Variants in MAP3K1 observed in about 807,000 individuals in gnomAD.
MAP3K1 encodes the protein MAP/ERK kinase kinase 1.
MAP3K1 carries 36 observed loss-of-function variants against 144.2 expected under a neutral mutation model. The observed-to-expected ratio is 0.25, with a 90% CI of 0.19 to 0.33. The LOEUF (loss-of-function observed/expected upper bound fraction) is 0.33. Among genes scored for constraint, MAP3K1 ranks in the 10% least tolerant of loss-of-function variants. MAP3K1 has a pLI of 1.00. For missense variants in MAP3K1, 1,650 were observed against 1,881.9 expected (o/e 0.88, Z 2.28); for synonymous variants, 718 against 688.7 (o/e 1.04, Z -0.67).
chr5:56,864,183 A>C (rs1747603943), intron 3 of MAP3K1, among the ~76,000 whole-genome samples: 1 of 152,204 alleles, frequency 6.6e-6, no homozygotes, highest in Non-Finnish European at 1.5e-5. Context: ...TTATAAAATT[A>C]CCACATGGTT....
chr5:56,830,110 G>A lies in MAP3K1; in HGVS notation c.482+14055G>A, dbSNP rs1005624059. 3.3e-5 allele frequency among the ~76,000 whole-genome samples: 5 copies of A among 152,266 alleles called. No individual in the cohort carries two copies. In the East Asian group the frequency reaches 7.7e-4, roughly 23 times the overall value. ...AGATACAAAACCGTTGGTGTCTGAA[G>A]TACCTCTGAATCCAGCAGCCTTCTA... On this transcript the variant is annotated intron_variant, in intron 1 of 19. Coordinates refer to ENST00000399503, the MANE Select transcript of MAP3K1 (RefSeq NM_005921.2).
chr5:56,859,552 A>G, intron 2 of MAP3K1, 163 bp from the exon 3 acceptor site: 1 of 613,688 alleles, frequency 1.6e-6, no homozygotes, highest in East Asian at 2.8e-5. Flanking sequence ...AATCTTTTAC[A>G]TTAATAGCTT....
chr5:56,895,057 T>A lies in MAP3K1; in HGVS notation c.*1377T>A, dbSNP rs1748664220. 4.3e-6 allele frequency: 1 copy of A among 231,544 alleles called. No individual in the cohort carries two copies. The allele number at this position is 231,544 out of a possible 1,614,324, so 14.3% of individuals were successfully genotyped here. ...ACTTTGAGATTTTAGTTTTAACTCTTCAGAAGCCAGTGTGAAATAGAATTG... is the reference window on the plus strand; with the variant it reads ...ACTTTGAGATTTTAGTTTTAACTCTACAGAAGCCAGTGTGAAATAGAATTG... On this transcript the variant is annotated 3_prime_UTR_variant, in exon 20 of 20. Transcript: ENST00000399503.
intron 1 of MAP3K1, among the ~76,000 whole-genome samples, chr5:56,849,225 C>T (rs1022499587): frequency 1.3e-5 from 2 of 152,132 alleles, no homozygotes; most frequent in Middle Eastern, 3.4e-3. Flanking sequence ...TGGCTTGTGC[C>T]TGTGGTCCCA....
chr5:56,884,937 A>G (rs1579782840), intron 16 of MAP3K1, 111 bp downstream of exon 16: 2 of 968,832 alleles, frequency 2.1e-6, no homozygotes, highest in South Asian at 1.5e-5. Flanking sequence ...TTGGGTTTCT[A>G]AAAACAAATC....
chr5:56,844,421 C>T (rs1245125449), intron 1 of MAP3K1, among the ~76,000 whole-genome samples: 7 of 151,860 alleles, frequency 4.6e-5, no homozygotes, highest in Non-Finnish European at 2.9e-5. Flanking sequence ...CCTCGTGATC[C>T]GCCCGCCTTG....
In MAP3K1 at chr5:56,815,713, CG is replaced by C; in HGVS notation, c.143del (p.Gly48AlafsTer137). Reference protein sequence around the residue: ...PAAAAGLLREAGSGGRERADW... With the variant: ...PAAAAGLLREXGSGGRERADW... Reference sequence around the variant, plus strand: ...GCTGCCGCGGGACTGCTGCGGGAGGCGGGCAGCGGGGGCCGCGAGCGGGCGG... The same window carrying C: ...GCTGCCGCGGGACTGCTGCGGGAGGCGGCAGCGGGGGCCGCGAGCGGGCGG... On this transcript the variant is annotated frameshift_variant, in exon 1 of 20. Transcript: ENST00000399503. LOFTEE classifies it high-confidence loss of function. The C allele has an allele frequency of 7.6e-7, 1 of 1,320,036 alleles. No individual in the cohort carries two copies. 81.8% of individuals were successfully genotyped at this position (1,320,036 alleles called of 1,614,324 possible).
intron 1 of MAP3K1, among the ~76,000 whole-genome samples, chr5:56,832,143 C>T (rs1746513202): frequency 6.6e-6 from 1 of 152,134 alleles, no homozygotes; most frequent in Non-Finnish European, 1.5e-5. Flanking sequence ...TAATGATACC[C>T]TTCATACTTA....
chr5:56,861,529 C>T (rs1266670633), intron 3 of MAP3K1, among the ~76,000 whole-genome samples: 3 of 145,774 alleles, frequency 2.1e-5, no homozygotes, highest in Non-Finnish European at 4.5e-5. Flanking sequence ...GCCGAGATCA[C>T]GCCACTGCTC....
chr5:56,838,804 T>C (rs1746728240), intron 1 of MAP3K1, among the ~76,000 whole-genome samples: 1 of 152,192 alleles, frequency 6.6e-6, no homozygotes, highest in Admixed American at 6.5e-5. Flanking sequence ...AAACCAGGTG[T>C]AGAAACAAAA....
Position 56,816,118 on chromosome 5 carries a change from C to T in MAP3K1, c.482+63C>T, listed in dbSNP as rs184508312. The T allele has an allele frequency of 6.7e-3, 7,874 of 1,181,038 alleles. 414 individuals carry two copies. The African/African-American group carries it at 0.11, about 17-fold the overall frequency. 73.2% of individuals were successfully genotyped at this position (1,181,038 alleles called of 1,614,324 possible). ...GAGCGGGCAGAGGGCAATGAATGAA[C>T]CCCGGGCACCATGCACGGCGTCCCG... On this transcript the variant is annotated intron_variant, in intron 1 of 19. Coordinates refer to ENST00000399503, the MANE Select transcript of MAP3K1 (RefSeq NM_005921.2).
chr5:56,862,030 A>C (rs1747530724), intron 3 of MAP3K1: 1 of 152,154 alleles, frequency 6.6e-6, no homozygotes, highest in Admixed American at 6.5e-5. Flanking sequence ...TAAATTAACT[A>C]TTAATTTTTG....
rs1286217832 is a variant in MAP3K1, at chr5:56,895,107, A to G, written c.*1427A>G. 8.6e-6 allele frequency: 2 copies of G among 231,500 alleles called. No individual in the cohort carries two copies. Among genetic ancestry groups the G allele is most frequent in the East Asian group, 6.1e-5 (1 of 16,318 alleles). 14.3% of individuals were successfully genotyped at this position (231,500 alleles called of 1,614,324 possible). A position where few individuals can be genotyped will look rare whatever the true frequency, so the allele number is the denominator to read the frequency against. ...GGTTATTCTCAAAGACTCAGGATAA[A>G]CTAAATAAGCTATATATAGAGTACA... On this transcript the variant is annotated 3_prime_UTR_variant, in exon 20 of 20. Coordinates refer to ENST00000399503, the MANE Select transcript of MAP3K1 (RefSeq NM_005921.2).
chr5:56,825,057 G>C (rs1163971294), intron 1 of MAP3K1, among the ~76,000 whole-genome samples: 2 of 151,890 alleles, frequency 1.3e-5, no homozygotes, highest in African/African-American at 2.4e-5. Flanking sequence ...GCCCAGGCTG[G>C]AGTGCAATGG....
chr5:56,893,294 T>C (rs996577215), intron 19 of MAP3K1, among the ~76,000 whole-genome samples: 1 of 152,248 alleles, frequency 6.6e-6, no homozygotes, highest in Admixed American at 6.5e-5. Context: ...TAATAAGGAA[T>C]AGGATATATT....
Position 56,895,060 on chromosome 5 carries a change from G to A in MAP3K1, c.*1380G>A, listed in dbSNP as rs993733164. The A allele has an allele frequency of 4.3e-6, 1 of 231,502 alleles. No individual in the cohort carries two copies. Among genetic ancestry groups the A allele is most frequent in the Non-Finnish European group, 8.5e-6 (1 of 117,084 alleles). 14.3% of individuals were successfully genotyped at this position (231,502 alleles called of 1,614,324 possible). A position where few individuals can be genotyped will look rare whatever the true frequency, so the allele number is the denominator to read the frequency against. ...TTGAGATTTTAGTTTTAACTCTTCA[G>A]AAGCCAGTGTGAAATAGAATTGGTT... On this transcript the variant is annotated 3_prime_UTR_variant, in exon 20 of 20. Coordinates refer to ENST00000399503, the MANE Select transcript of MAP3K1 (RefSeq NM_005921.2).
chr5:56,888,496 T>C (rs1213125764), intron 19 of MAP3K1, 139 bp downstream of exon 19: 1 of 797,826 alleles, frequency 1.3e-6, no homozygotes, highest in Non-Finnish European at 2.1e-6. Context: ...CAGAGAGGAT[T>C]TGATATACAA....
rs747007571 is a variant in MAP3K1, at chr5:56,872,892, C to G, written c.1573C>G (p.Gln525Glu). 6.2e-7 allele frequency: 1 copy of G among 1,614,136 alleles called. No homozygotes were observed. The highest frequency in any genetic ancestry group is 1.3e-5 in the African/African-American group (1 of 75,058). Reference sequence around the variant, plus strand: ...AGCTGCACAGCAGCAAACCGTACAGCAGCAGCCTTTGGCTGGATCACGAAG... The same window carrying G: ...AGCTGCACAGCAGCAAACCGTACAGGAGCAGCCTTTGGCTGGATCACGAAG... ...LRAAQQQTVQQQPLAGSRRNQ... is the reference protein window; with the variant it reads ...LRAAQQQTVQEQPLAGSRRNQ... Residue 525 changes from glutamine (Q) to glutamate (E), a missense_variant, in exon 9 of 20, where the codon CAG becomes GAG. Gln to Glu is a conservative substitution (Grantham distance 29). This residue lies in a region of MAP3K1 where 841 missense variants were observed against 886.5 expected (regional missense o/e 0.95). Transcript: ENST00000399503.
At chr5:56,878,733 T>G (rs1412942234) in intron 10 of MAP3K1, among the ~76,000 whole-genome samples, 2 of 152,192 alleles carry the variant, frequency 1.3e-5, no homozygotes, top group African/African-American at 4.8e-5. Flanking sequence ...TTTTAACTTT[T>G]CATCTTGAAA....
Sources: gnomAD v4.1 joint callset for allele counts (sites outside exome capture counted in the v4.1 genomes callset) on GRCh38, gnomAD v4.1.1 for gene constraint, gnomAD v4.1.1 regional missense constraint, MANE v1.5 for transcripts, NCBI Gene and HGNC (gene_info 2026-07-23, HGNC 2026-07-21) for gene names.